Variants in SIK3 observed in about 807,000 individuals in gnomAD.
The protein encoded by SIK3 is SIK family kinase 3, also known as serine/threonine-protein kinase SIK3.
Under a neutral mutation model 144.2 loss-of-function variants are expected in SIK3, and 28 were observed. The ratio of observed to expected loss-of-function variants is 0.19; its 90% confidence interval spans 0.14 to 0.27. The LOEUF is 0.27. Among genes scored for constraint, SIK3 ranks in the 10% least tolerant of loss-of-function variants. The pLI, the probability that SIK3 is intolerant of heterozygous loss-of-function variation, is 1.00. For missense variants in SIK3, 1,319 were observed against 1,776.0 expected (o/e 0.74, Z 4.62); for synonymous variants, 686 against 676.3 (o/e 1.01, Z -0.22).
chr11:116,853,954 T>C (rs964106230), intron 21 of SIK3, among the ~76,000 whole-genome samples: 2 of 152,256 alleles, frequency 1.3e-5, no homozygotes, highest in Non-Finnish European at 2.9e-5. Context: ...TTTGGCATGC[T>C]GCCTGCTTAG....
intron 1 of SIK3, among the ~76,000 whole-genome samples, chr11:116,995,758 G>A (rs1033661513): frequency 6.6e-6 from 1 of 152,114 alleles, no homozygotes; most frequent in African/African-American, 2.4e-5. Context: ...CTTCAGGGGA[G>A]GAATGGCATC....
At chr11:116,912,049 T>G (rs912588871) in intron 4 of SIK3, among the ~76,000 whole-genome samples, 1 of 152,220 alleles carries the variant, frequency 6.6e-6, no homozygotes, top group Non-Finnish European at 1.5e-5. Flanking sequence ...ATTTCTCCAC[T>G]CGCAAGTGGC....
intron 4 of SIK3, chr11:116,904,883 A>G (rs1398528065): frequency 1.2e-5 from 2 of 166,802 alleles, no homozygotes; most frequent in African/African-American, 2.4e-5. Context: ...TGGCCATAAC[A>G]TATTTCTTGT....
At chr11:116,877,815 G>GT (rs2134580732) in intron 6 of SIK3, among the ~76,000 whole-genome samples, 1 of 152,318 alleles carries the variant, frequency 6.6e-6, no homozygotes, top group African/African-American at 2.4e-5. Flanking sequence ...GGTGATGAGA[G>GT]TAATAGTTGT....
intron 1 of SIK3, among the ~76,000 whole-genome samples, chr11:116,998,165 T>TA (rs71037438): frequency 0.22 from 31,022 of 141,896 alleles, 3,541 homozygotes; most frequent in African/African-American, 0.32. Flanking sequence ...TATGATAATT[T>TA]AAAAAAAAAA....
chr11:116,963,464 T>C (rs1257888393), intron 1 of SIK3, among the ~76,000 whole-genome samples: 1 of 152,228 alleles, frequency 6.6e-6, no homozygotes. Flanking sequence ...CACATCTCCT[T>C]GGTCATCAGA....
At chr11:116,908,644 AAAAG>A (rs1455778979) in intron 4 of SIK3, among the ~76,000 whole-genome samples, 2 of 152,240 alleles carry the variant, frequency 1.3e-5, no homozygotes, top group African/African-American at 4.8e-5. Context: ...AATTGACAAA[AAAAG>A]GCCAAGAGAC....
intron 1 of SIK3, among the ~76,000 whole-genome samples, chr11:116,969,354 G>A (rs184761065): frequency 6.4e-4 from 95 of 149,170 alleles, no homozygotes; most frequent in African/African-American, 2.2e-3. Flanking sequence ...ATAAGAGACC[G>A]TAAGTAACAC....
At chr11:117,040,815 T>C (rs775890985) in intron 1 of SIK3, among the ~76,000 whole-genome samples, 1 of 152,106 alleles carries the variant, frequency 6.6e-6, no homozygotes, top group Non-Finnish European at 1.5e-5. Flanking sequence ...TATCATCATA[T>C]TTTCTTTTCT....
chr11:116,844,640 T>TTATATATATAATATATATATAATA lies in SIK3; in HGVS notation c.*1002_*1003insTATTATATATATATTATATATATA, dbSNP rs371090973. On this transcript the variant is annotated 3_prime_UTR_variant, in exon 25 of 25. Transcript: ENST00000445177. ...TATAATATATATATAATATATTATA[T>TTATATATATAATATATATATAATA]TATATATTATATATATAATATATAT... 1.2e-5 allele frequency: 1 copy of TTATATATATAATATATATATAATA among 85,952 alleles called. No individual in the cohort carries two copies. Among genetic ancestry groups the TTATATATATAATATATATATAATA allele is most frequent in the Non-Finnish European group, 2.1e-5 (1 of 47,670 alleles). 5.3% of individuals were successfully genotyped at this position (85,952 alleles called of 1,614,324 possible).
chr11:116,860,795 C>T (rs1426859242), intron 19 of SIK3, among the ~76,000 whole-genome samples: 2 of 152,068 alleles, frequency 1.3e-5, no homozygotes, highest in Non-Finnish European at 2.9e-5. Context: ...TGGTGGGAGG[C>T]GACTGGATCA....
At chr11:117,075,460 A>G (rs1954468628) in intron 1 of SIK3, among the ~76,000 whole-genome samples, 1 of 152,166 alleles carries the variant, frequency 6.6e-6, no homozygotes, top group African/African-American at 2.4e-5. Context: ...GAGTTAATTT[A>G]TTCCTTCTAG....
At chr11:116,973,622 T>A (rs983250438) in intron 1 of SIK3, among the ~76,000 whole-genome samples, 4 of 152,178 alleles carry the variant, frequency 2.6e-5, no homozygotes, top group Non-Finnish European at 4.4e-5. Flanking sequence ...GAAAGAACTT[T>A]ACAGTGGAAA....
At chr11:116,894,740 T>G (rs181630301) in intron 6 of SIK3, among the ~76,000 whole-genome samples, 3 of 152,350 alleles carry the variant, frequency 2.0e-5, no homozygotes, top group East Asian at 1.9e-4. Context: ...TGAAGTGCTT[T>G]GAACAGTGCC....
chr11:116,992,353 T>G (rs1950529406), intron 1 of SIK3, among the ~76,000 whole-genome samples: 1 of 144,306 alleles, frequency 6.9e-6, no homozygotes, highest in Non-Finnish European at 1.5e-5. Flanking sequence ...TATATTTGTG[T>G]GCATTTACAG....
At chr11:116,913,496 A>C (rs1946449864) in intron 4 of SIK3, among the ~76,000 whole-genome samples, 1 of 151,884 alleles carries the variant, frequency 6.6e-6, no homozygotes. Flanking sequence ...AACCCTTCTC[A>C]TATAAATCCC....
chr11:116,968,194 G>A (rs1949630702), intron 1 of SIK3, among the ~76,000 whole-genome samples: 1 of 152,166 alleles, frequency 6.6e-6, no homozygotes, highest in Non-Finnish European at 1.5e-5. Flanking sequence ...CCAGACTGGA[G>A]TACAGTGGCG....
chr11:116,923,096 T>A (rs1444673020), intron 4 of SIK3, among the ~76,000 whole-genome samples: 1 of 152,014 alleles, frequency 6.6e-6, no homozygotes, highest in Non-Finnish European at 1.5e-5. Flanking sequence ...TGTGAACTTT[T>A]GTAGAGACCG....
intron 1 of SIK3, among the ~76,000 whole-genome samples, chr11:117,034,626 T>C (rs1952412935): frequency 6.6e-6 from 1 of 152,166 alleles, no homozygotes; most frequent in South Asian, 2.1e-4. Flanking sequence ...TGTAGTAATG[T>C]ATAAGTAATC....
Sources: gnomAD v4.1 joint callset for allele counts (sites outside exome capture counted in the v4.1 genomes callset) on GRCh38, gnomAD v4.1.1 for gene constraint, MANE v1.5 for transcripts, NCBI Gene and HGNC (gene_info 2026-07-23, HGNC 2026-07-21) for gene names.